Variants in CCDC187 observed in about 807,000 individuals in gnomAD.
The protein encoded by CCDC187 is coiled-coil domain containing 187, also known as coiled-coil domain-containing protein 187.
In CCDC187, 32 loss-of-function variants were observed where a neutral mutation model predicts 38.0. The ratio of observed to expected loss-of-function variants is 0.84; its 90% CI spans 0.64 to 1.13. The LOEUF (loss-of-function observed/expected upper bound fraction) is 1.13, where lower values mean the gene tolerates loss of function less well. CCDC187 is among the 50% of genes most tolerant of loss of function. The probability of loss-of-function intolerance (pLI) is 0.00; values close to 1 mark genes in which losing one functional copy is unlikely to be tolerated. For missense variants in CCDC187, 707 were observed against 786.8 expected (o/e 0.90, Z 1.21); for synonymous variants, 333 against 347.9 (o/e 0.96, Z 0.48).
chr9:136,253,893 G>A lies in CCDC187; in HGVS notation c.5935C>T (p.Leu1979Phe), dbSNP rs1359728282. 3.0e-6 allele frequency: 3 copies of A among 985,366 alleles called. No individual in the cohort carries two copies. The African/African-American group carries it at 5.2e-5, about 17-fold the overall frequency. 61.0% of individuals were successfully genotyped at this position (985,366 alleles called of 1,614,324 possible). A position where few individuals can be genotyped will look rare whatever the true frequency, so the allele number is the denominator to read the frequency against. ...PTVLEEACPL[L>F]AGDVLTEILS... ...ATCTCAGTCAAGACGTCACCGGCAA[G>A]TAGGGGACAGGCTTCCTCCAGGACA... The change falls in exon 26 of 26, where the codon CTT becomes TTT. Residue 1979 changes from leucine (L) to phenylalanine (F), a missense_variant. Physicochemically the swap from Leu to Phe is conservative, Grantham distance 22 (BLOSUM62 0). Coordinates refer to ENST00000638797, the MANE Select transcript of CCDC187 (RefSeq NM_001378188.1).
chr9:136,259,743 G>A (rs1554760764), intron 20 of CCDC187, among the ~76,000 whole-genome samples: 1 of 152,176 alleles, frequency 6.6e-6, no homozygotes, highest in African/African-American at 2.4e-5. Flanking sequence ...GGCTCTCTGT[G>A]GGCCTGTGTT....
rs148229303 is a variant in CCDC187 at position 136,259,139 on chromosome 9, G to C, written c.4297-138C>G. On this transcript the variant is annotated intron_variant, in intron 21 of 25. Transcript: ENST00000638797. Reference sequence around the variant, plus strand: ...GGACAGCCGGGGGCGGACAGGGACAGATGGGGACAGGCAGGGACAAACAGG... The same window carrying C: ...GGACAGCCGGGGGCGGACAGGGACACATGGGGACAGGCAGGGACAAACAGG... 2,388 of 685,184 alleles carry C rather than the reference G, an allele frequency of 3.5e-3. 66 individuals are homozygous for C. In the African/African-American group the frequency reaches 0.044, roughly 13 times the overall value. The allele number at this position is 685,184 out of a possible 1,614,324, so 42.4% of individuals were successfully genotyped here.
At position 136,268,040 on chromosome 9, in the gene CCDC187, TC is replaced by T; in HGVS notation, c.3519+8del. 2.0e-6 allele frequency: 2 copies of T among 985,456 alleles called. No individual in the cohort carries two copies. Among genetic ancestry groups the T allele is most frequent in the African/African-American group, 1.7e-5 (1 of 57,380 alleles). 61.0% of individuals were successfully genotyped at this position (985,456 alleles called of 1,614,324 possible). A position where few individuals can be genotyped will look rare whatever the true frequency, so the allele number is the denominator to read the frequency against. ...TTGTGCCTCTCCCCCAGGGGACCTCTCCACGTACCTGGTGGGTGGGGTTGTC... is the reference window on the plus strand; with the variant it reads ...TTGTGCCTCTCCCCCAGGGGACCTCTCACGTACCTGGTGGGTGGGGTTGTC... On this transcript the variant is annotated splice_region_variant and intron_variant, in intron 15 of 25. Coordinates refer to ENST00000638797, the MANE Select transcript of CCDC187 (RefSeq NM_001378188.1).
chr9:136,280,487 T>C (rs1831017537), intron 10 of CCDC187, among the ~76,000 whole-genome samples: 1 of 152,032 alleles, frequency 6.6e-6, no homozygotes, highest in Non-Finnish European at 1.5e-5. Context: ...CTCCCCTCCA[T>C]ACACACAAGC....
intron 10 of CCDC187, chr9:136,281,152 TC>T: frequency 6.2e-6 from 2 of 322,480 alleles, no homozygotes; most frequent in Non-Finnish European, 1.1e-5. Context: ...AGCTGCTGGG[TC>T]CCTTGGGCAC....
intron 14 of CCDC187, among the ~76,000 whole-genome samples, chr9:136,270,061 G>C (rs781915325): frequency 1.3e-5 from 2 of 152,192 alleles, no homozygotes; most frequent in Non-Finnish European, 2.9e-5. Context: ...GAAGAAAAAA[G>C]AATAAAAGAA....
intron 10 of CCDC187, among the ~76,000 whole-genome samples, chr9:136,278,285 G>A (rs1250933525): frequency 1.3e-5 from 2 of 152,220 alleles, no homozygotes; most frequent in African/African-American, 4.8e-5. Context: ...GGCCCCCACA[G>A]ATCTCCCAGC....
intron 4 of CCDC187, among the ~76,000 whole-genome samples, chr9:136,293,348 T>C (rs916993431): frequency 5.4e-5 from 7 of 129,696 alleles, no homozygotes; most frequent in Admixed American, 7.6e-5. Flanking sequence ...CACACTCACA[T>C]GCTCACACAC....
rs1313993245 is a variant in CCDC187, at chr9:136,253,555, G to A, written c.*39C>T. The A allele has an allele frequency of 1.5e-5, 15 of 972,758 alleles. No homozygotes were observed. The African/African-American group carries it at 1.8e-4, about 11-fold the overall frequency. 60.3% of individuals were successfully genotyped at this position (972,758 alleles called of 1,614,324 possible). Reference sequence around the variant, plus strand: ...TGCATCTACCCAACTGGTCGTCAACGCTTCCACCCGGACCAGCCACCCCTG... The same window carrying A: ...TGCATCTACCCAACTGGTCGTCAACACTTCCACCCGGACCAGCCACCCCTG... On this transcript the variant is annotated 3_prime_UTR_variant, in exon 26 of 26. Transcript: ENST00000638797.
At chr9:136,285,951 CT>C (rs1381322697) in intron 8 of CCDC187, 133 bp downstream of exon 8, 3 of 397,396 alleles carry the variant, frequency 7.5e-6, no homozygotes, top group Non-Finnish European at 8.9e-6. Context: ...CTCAGACCCC[CT>C]GGACTGTTGT....
intron 7 of CCDC187, 30 bp from the exon 8 acceptor site, chr9:136,286,725 C>T (rs909195658): frequency 6.5e-5 from 26 of 398,630 alleles, no homozygotes; most frequent in Non-Finnish European, 9.7e-5. Context: ...GACAGATCAG[C>T]TCAGGCTCGG....
Position 136,289,707 on chromosome 9 carries a change from C to T in CCDC187, c.2222+252G>A, listed in dbSNP as rs1002757119. On this transcript the variant is annotated intron_variant, in intron 7 of 25. Transcript: ENST00000638797. ...CACACGGGGAAGGTGCTCAATGCCA[C>T]GGAACGTGCACTTTAACGTGGTGGA... 8.5e-5 allele frequency among the ~76,000 whole-genome samples: 13 copies of T among 152,200 alleles called. 1 individual carries two copies. The highest frequency in any genetic ancestry group is 8.3e-4 in the South Asian group (4 of 4,824).
chr9:136,302,576 C>T (rs1330302168), intron 2 of CCDC187, among the ~76,000 whole-genome samples: 1 of 152,242 alleles, frequency 6.6e-6, no homozygotes, highest in Non-Finnish European at 1.5e-5. Context: ...CTGTGTGCCC[C>T]TCCCTCCTGG....
At chr9:136,300,441 TCTCA>T in intron 2 of CCDC187, 123 bp from the exon 3 acceptor site, 1 of 385,228 alleles carries the variant, frequency 2.6e-6, no homozygotes, top group Non-Finnish European at 4.6e-6. Context: ...TGAGACAGGG[TCTCA>T]CTCTGTCACC....
At chr9:136,277,314 GGGGTGGGTGGGTGCTGATGGGGT>G (rs1238620857) in intron 10 of CCDC187, among the ~76,000 whole-genome samples, 1 of 121,302 alleles carries the variant, frequency 8.2e-6, no homozygotes, top group Admixed American at 8.2e-5. Context: ...GGGTGTGAAC[GGGGTGGGTGGGTGCTGATGGGGT>G]GGGTGGGTGC....
intron 16 of CCDC187, 28 bp from the exon 17 acceptor site, chr9:136,266,071 A>T (rs1047782826): frequency 1.0e-6 from 1 of 979,524 alleles, no homozygotes; most frequent in African/African-American, 1.8e-5. Flanking sequence ...CATCACTGCC[A>T]ATGTTGACAG....
chr9:136,270,006 C>T (rs1015922392), intron 14 of CCDC187, among the ~76,000 whole-genome samples: 10 of 151,966 alleles, frequency 6.6e-5, no homozygotes, highest in African/African-American at 2.4e-4. Context: ...GAGAGATGAA[C>T]GAACTGGAAG....
At chr9:136,265,390 G>A (rs943128979) in intron 17 of CCDC187, among the ~76,000 whole-genome samples, 1 of 152,206 alleles carries the variant, frequency 6.6e-6, no homozygotes, top group South Asian at 2.1e-4. Flanking sequence ...GCCAGGCGCG[G>A]CTAGGGATTC....
At position 136,259,307 on chromosome 9, in the gene CCDC187, G is replaced by T. The variant is rs1177369324; in HGVS notation, c.4296+56C>A. 6.7e-5 allele frequency: 49 copies of T among 729,222 alleles called. No individual in the cohort carries two copies. The African/African-American group carries it at 9.2e-4, about 14-fold the overall frequency. The allele number at this position is 729,222 out of a possible 1,614,324, so 45.2% of individuals were successfully genotyped here. A position where few individuals can be genotyped will look rare whatever the true frequency, so the allele number is the denominator to read the frequency against. On this transcript the variant is annotated intron_variant, in intron 21 of 25. Transcript: ENST00000638797. Reference sequence around the variant, plus strand: ...CACAGATTGGCAGAATGTTGGGGGGGGGTGGTCCCTGAAACAGGCGGTGCT... The same window carrying T: ...CACAGATTGGCAGAATGTTGGGGGGTGGTGGTCCCTGAAACAGGCGGTGCT...
Sources: gnomAD v4.1 joint callset for allele counts (sites outside exome capture counted in the v4.1 genomes callset) on GRCh38, gnomAD v4.1.1 for gene constraint, MANE v1.5 for transcripts, NCBI Gene and HGNC (gene_info 2026-07-23, HGNC 2026-07-21) for gene names.